Variants in TMEM156 observed in about 807,000 individuals in gnomAD.
TMEM156 encodes transmembrane protein 156.
A neutral mutation model predicts 30.5 loss-of-function variants in TMEM156; 28 were observed. The ratio of observed to expected loss-of-function variants is 0.92; its 90% CI spans 0.68 to 1.26. TMEM156 has a LOEUF of 1.26. TMEM156 is among the 50% of genes most tolerant of loss of function. The pLI, the probability that TMEM156 is intolerant of heterozygous loss-of-function variation, is 0.00. For synonymous variants in TMEM156, 137 were observed against 119.9 expected (o/e 1.14, Z -0.93); for missense variants, 351 against 340.6 (o/e 1.03, Z -0.24).
At chr4:38,974,405 A>C (rs1275830806) in intron 5 of TMEM156, among the ~76,000 whole-genome samples, 1 of 151,850 alleles carries the variant, frequency 6.6e-6, no homozygotes, top group Non-Finnish European at 1.5e-5. Context: ...CTTGGATTTG[A>C]ATATTATTAA....
rs1577579908 is a variant in TMEM156 at position 39,018,878 on chromosome 4, G to T, written c.88+13348C>A. On this transcript the variant is annotated intron_variant, in intron 1 of 6. Transcript: ENST00000381938. The stretch of plus-strand genomic sequence containing the variant: ...TCTACTAAAAATACAAAAATTAGCT[G>T]GGTGTGGTGGTGGGCTCCTATAATC... Among the ~76,000 whole-genome samples the T allele has an allele frequency of 1.3e-5, 2 of 152,128 alleles. 1 individual carries two copies. The highest frequency in any genetic ancestry group is 4.2e-4 in the South Asian group (2 of 4,808).
At chr4:38,972,781 T>C (rs181145165) in intron 5 of TMEM156, among the ~76,000 whole-genome samples, 41 of 152,298 alleles carry the variant, frequency 2.7e-4, no homozygotes, top group South Asian at 1.2e-3. Context: ...GCCTCCTGCA[T>C]TGTGGTCTTT....
intron 5 of TMEM156, among the ~76,000 whole-genome samples, chr4:38,979,081 C>A (rs1460636694): frequency 6.6e-6 from 1 of 152,248 alleles, no homozygotes; most frequent in Non-Finnish European, 1.5e-5. Flanking sequence ...TCAATTGTAT[C>A]ATTCTTTATG....
At position 38,997,918 on chromosome 4, in the gene TMEM156, A is replaced by G. The variant is rs1713042025; in HGVS notation, c.358+722T>C. The stretch of plus-strand genomic sequence containing the variant: ...ACTGGAGAGTCAGAGAAGTAAAAAG[A>G]CTTCACATACAATGACTAAATGTTA... On this transcript the variant is annotated intron_variant, in intron 2 of 6. Transcript: ENST00000381938. Among the ~76,000 whole-genome samples, 5 of 152,350 alleles carry G rather than the reference A, an allele frequency of 3.3e-5. No individual in the cohort carries two copies. The South Asian group carries it at 1.0e-3, about 32-fold the overall frequency.
At chr4:38,990,827 C>CTGGTTTTTTTTTTTTGTTT (rs1712370927) in intron 3 of TMEM156, among the ~76,000 whole-genome samples, 1 of 87,338 alleles carries the variant, frequency 1.1e-5, no homozygotes, top group Non-Finnish European at 2.4e-5. Context: ...GGTTTGTTTT[C>CTGGTTTTTTTTTTTTGTTT]TGGTTTTTTT....
chr4:38,992,443 A>G (rs1187736806), intron 3 of TMEM156, among the ~76,000 whole-genome samples: 1 of 151,820 alleles, frequency 6.6e-6, no homozygotes, highest in Non-Finnish European at 1.5e-5. Flanking sequence ...GAATAGGGTA[A>G]CTAGGAAGTT....
Position 38,998,644 on chromosome 4 carries a change from T to C in TMEM156, c.354A>G (p.Ser118=), listed in dbSNP as rs148748310. The C allele has an allele frequency of 1.1e-4, 179 of 1,609,422 alleles. No individual in the cohort carries two copies. Among genetic ancestry groups the C allele is most frequent in the Non-Finnish European group, 1.4e-4 (162 of 1,177,346 alleles). Residue 118 remains serine, a synonymous_variant, in exon 2 of 7, where the codon TCA becomes TCG. Coordinates refer to ENST00000381938, the MANE Select transcript of TMEM156 (RefSeq NM_024943.3). The stretch of plus-strand genomic sequence containing the variant: ...TCACCTTCACTTTGTGTTTACCTTT[T>C]GATGTTTGTTCCTGAGAAATAAAAT... ...NMDFISQEQT[S]KVLIRRGSME...
At chr4:39,031,214 G>A (rs1715484750) in intron 1 of TMEM156, among the ~76,000 whole-genome samples, 1 of 152,040 alleles carries the variant, frequency 6.6e-6, no homozygotes, top group Admixed American at 6.6e-5. Flanking sequence ...CTTATTAAAT[G>A]CTAGGGAGCA....
intron 1 of TMEM156, among the ~76,000 whole-genome samples, chr4:39,029,131 CT>C (rs1189181998): frequency 6.6e-6 from 1 of 152,086 alleles, no homozygotes; most frequent in African/African-American, 2.4e-5. Context: ...GAAATCAAAT[CT>C]ATTAAACATC....
chr4:39,029,161 A>G (rs1040630461), intron 1 of TMEM156, among the ~76,000 whole-genome samples: 13 of 152,194 alleles, frequency 8.5e-5, no homozygotes, highest in Non-Finnish European at 4.4e-5. Flanking sequence ...ATTATTTCTC[A>G]TTAAGATTCC....
intron 1 of TMEM156, among the ~76,000 whole-genome samples, chr4:39,025,345 CAAA>C (rs59380844): frequency 2.3e-4 from 15 of 65,764 alleles, no homozygotes; most frequent in Non-Finnish European, 3.8e-4. Context: ...AAGACTGTCT[CAAA>C]AAAAAAAAAA....
At chr4:39,009,497 A>G (rs1199232608) in intron 1 of TMEM156, among the ~76,000 whole-genome samples, 8 of 152,222 alleles carry the variant, frequency 5.3e-5, no homozygotes, top group Non-Finnish European at 1.2e-4. Context: ...AAAAATTCTC[A>G]GCAAAATATT....
At chr4:39,019,033 CA>C (rs869141514) in intron 1 of TMEM156, among the ~76,000 whole-genome samples, 569 of 19,358 alleles carry the variant, frequency 0.029, 9 homozygotes, top group African/African-American at 0.12. Flanking sequence ...AAAAACAAAA[CA>C]AAAAAAAAAA....
At chr4:39,012,014 A>T (rs1714156549) in intron 1 of TMEM156, among the ~76,000 whole-genome samples, 1 of 152,182 alleles carries the variant, frequency 6.6e-6, no homozygotes, top group Non-Finnish European at 1.5e-5. Flanking sequence ...GGGTATTCCC[A>T]AAGTGGGAAG....
intron 5 of TMEM156, among the ~76,000 whole-genome samples, chr4:38,971,795 AT>A (rs555294762): frequency 1.1e-4 from 16 of 148,942 alleles, no homozygotes; most frequent in African/African-American, 2.5e-4. Context: ...GTGACCTATA[AT>A]TTTTTTTTTT....
At chr4:38,981,165 C>T (rs1485083882) in intron 5 of TMEM156, among the ~76,000 whole-genome samples, 8 of 152,178 alleles carry the variant, frequency 5.3e-5, no homozygotes, top group Non-Finnish European at 1.2e-4. Flanking sequence ...GGACATCTGG[C>T]ACCAGTAATT....
Position 38,993,625 on chromosome 4 carries a change from CA to C in TMEM156, c.619+112del, listed in dbSNP as rs1371732750. ...AACATTCTTTCAGGCTATATTATTT[CA>C]TCAGTAAAATTCTTCAGCTATTTGG... is the stretch of plus-strand genomic sequence containing the variant. On this transcript the variant is annotated intron_variant, in intron 3 of 6. Coordinates refer to ENST00000381938, the MANE Select transcript of TMEM156 (RefSeq NM_024943.3). 55 of 832,198 alleles carry C rather than the reference CA, an allele frequency of 6.6e-5. No individual in the cohort carries two copies. The African/African-American group carries it at 8.6e-4, about 13-fold the overall frequency. The allele number at this position is 832,198 out of a possible 1,614,324, so 51.6% of individuals were successfully genotyped here.
At chr4:38,985,068 C>G (rs2109911211) in intron 5 of TMEM156, among the ~76,000 whole-genome samples, 1 of 152,252 alleles carries the variant, frequency 6.6e-6, no homozygotes. Context: ...CAGAAACGAC[C>G]AGAATTCCTA....
At chr4:38,978,386 G>A (rs1722987164) in intron 5 of TMEM156, among the ~76,000 whole-genome samples, 1 of 152,144 alleles carries the variant, frequency 6.6e-6, no homozygotes, top group African/African-American at 2.4e-5. Context: ...TCATTTGTCT[G>A]CCTCCTTGAG....
Sources: allele counts gnomAD v4.1 joint callset (sites outside exome capture counted in the v4.1 genomes callset), GRCh38; gene constraint gnomAD v4.1.1; transcripts MANE v1.5; gene names NCBI Gene and HGNC (gene_info 2026-07-23, HGNC 2026-07-21).